CKMT2: variants seen among roughly 807,000 people sequenced by gnomAD.
The protein encoded by CKMT2 is creatine kinase S-type, mitochondrial.
Under a neutral mutation model 48.9 loss-of-function variants are expected in CKMT2, and 43 were observed. That is an observed-to-expected ratio of 0.88 (90% CI 0.69 to 1.13). The LOEUF (loss-of-function observed/expected upper bound fraction) is 1.13. CKMT2 is among the 50% of genes most tolerant of loss of function. CKMT2 has a pLI of 0.00. For synonymous variants in CKMT2, 206 were observed against 213.0 expected (o/e 0.97, Z 0.29); for missense variants, 472 against 555.4 (o/e 0.85, Z 1.51).
At chr5:81,241,420 A>G (rs1756430140) in intron 1 of CKMT2, among the ~76,000 whole-genome samples, 1 of 152,164 alleles carries the variant, frequency 6.6e-6, no homozygotes, top group Admixed American at 6.5e-5. Flanking sequence ...TTTACAACCT[A>G]GGACTCTTTT....
chr5:81,265,690 A>G (rs1305041941), intron 9 of CKMT2, among the ~76,000 whole-genome samples: 1 of 152,188 alleles, frequency 6.6e-6, no homozygotes, highest in Non-Finnish European at 1.5e-5. Flanking sequence ...TTAGTTGCCA[A>G]ACATTTGACA....
intron 1 of CKMT2, among the ~76,000 whole-genome samples, chr5:81,234,037 A>AAAAAAAAAC (rs1756182299): frequency 6.6e-6 from 1 of 151,436 alleles, no homozygotes; most frequent in South Asian, 2.1e-4. Context: ...AAAAAAAAAA[A>AAAAAAAAAC]AAAAAAAAAC....
chr5:81,235,731 G>A (rs1209557628), intron 1 of CKMT2: 1 of 152,242 alleles, frequency 6.6e-6, no homozygotes, highest in Non-Finnish European at 1.5e-5. Context: ...TGTACAGCTT[G>A]TGGCCACTTA....
intron 1 of CKMT2, chr5:81,237,579 T>C (rs1756286373): frequency 6.6e-6 from 1 of 152,230 alleles, no homozygotes; most frequent in Non-Finnish European, 1.5e-5. Flanking sequence ...TTTAGGTTTT[T>C]ACTTTTTTAT....
At chr5:81,233,627 G>A (rs1442601258) in intron 1 of CKMT2, among the ~76,000 whole-genome samples, 1 of 152,142 alleles carries the variant, frequency 6.6e-6, no homozygotes, top group Non-Finnish European at 1.5e-5. Context: ...CACGCTGCCT[G>A]CAGGGCCTCT....
At position 81,256,980 on chromosome 5, in the gene CKMT2, G is replaced by A; in HGVS notation, c.735G>A (p.Trp245Ter). Residue 245 changes from tryptophan (W) to a stop codon, truncating the protein, a stop_gained, in exon 6 of 10, where the codon TGG (tryptophan) becomes TGA (stop). Transcript: ENST00000254035. LOFTEE classifies it high-confidence loss of function. ...CATGTGCTGGGATGGCCCGTGACTG[G>A]CCAGATGCCAGGGGAATCTGGTATG... Reference protein sequence around the residue: ...LLTCAGMARDWPDARGIWHNY... With the variant: ...LLTCAGMARD 1 of 1,613,660 alleles carries A rather than the reference G, an allele frequency of 6.2e-7. No individual in the cohort carries two copies. Among genetic ancestry groups the A allele is most frequent in the Non-Finnish European group, 8.5e-7 (1 of 1,179,720 alleles).
chr5:81,254,928 C>A (rs1448868894), intron 4 of CKMT2, 65 bp from the exon 5 acceptor site: 1 of 1,341,598 alleles, frequency 7.5e-7, no homozygotes, highest in Non-Finnish European at 1.1e-6. Context: ...GATTAGAACC[C>A]ACTGTGGCTG....
At chr5:81,236,548 A>C (rs1166462880) in intron 1 of CKMT2, among the ~76,000 whole-genome samples, 1 of 152,194 alleles carries the variant, frequency 6.6e-6, no homozygotes, top group Non-Finnish European at 1.5e-5. Context: ...TCATGATAGG[A>C]GCTCATAAAT....
At chr5:81,257,312 T>C (rs1757047708) in intron 6 of CKMT2, among the ~76,000 whole-genome samples, 1 of 152,116 alleles carries the variant, frequency 6.6e-6, no homozygotes, top group African/African-American at 2.4e-5. Context: ...GCAGGATCCA[T>C]GGAGCAAATG....
chr5:81,239,630 A>C (rs1486847902), intron 1 of CKMT2, among the ~76,000 whole-genome samples: 2 of 152,138 alleles, frequency 1.3e-5, no homozygotes, highest in African/African-American at 4.8e-5. Context: ...GAGGCATGCA[A>C]TACAGTACTT....
chr5:81,244,776 A>C (rs958843820), intron 1 of CKMT2: 7 of 151,866 alleles, frequency 4.6e-5, no homozygotes, highest in African/African-American at 1.7e-4. Context: ...AGTGCTACAC[A>C]GGAGGGGAAA....
At position 81,266,144 on chromosome 5, in the gene CKMT2, G is replaced by A. The variant is rs1369848925; in HGVS notation, c.1146G>A (p.Glu382=). ...CATCTTCTTCACTGTCAAAGGTTGAGCTTGTTCAGATAGTCATCGATGGAG... is the reference window on the plus strand; with the variant it reads ...CATCTTCTTCACTGTCAAAGGTTGAACTTGTTCAGATAGTCATCGATGGAG... ...NIDRIGRSEV[E]LVQIVIDGVN... The change falls in exon 10 of 10, where the codon GAG becomes GAA. Residue 382 remains glutamate (E), a synonymous_variant. Transcript: ENST00000254035. 6.2e-7 allele frequency: 1 copy of A among 1,612,416 alleles called. No homozygotes were observed. The highest frequency in any genetic ancestry group is 1.1e-5 in the South Asian group (1 of 91,002).
chr5:81,254,942 C>A, intron 4 of CKMT2, 51 bp from the exon 5 acceptor site: 1 of 1,483,836 alleles, frequency 6.7e-7, no homozygotes, highest in Non-Finnish European at 9.4e-7. Flanking sequence ...GTGGCTGTGG[C>A]AGGACCATGG....
chr5:81,241,868 G>A (rs1484885618), intron 1 of CKMT2, among the ~76,000 whole-genome samples: 1 of 152,042 alleles, frequency 6.6e-6, no homozygotes, highest in Non-Finnish European at 1.5e-5. Flanking sequence ...AATTTCTGGG[G>A]TGGGAGGAAA....
intron 1 of CKMT2, among the ~76,000 whole-genome samples, chr5:81,241,336 A>G (rs1756427986): frequency 6.6e-6 from 1 of 152,228 alleles, no homozygotes; most frequent in Non-Finnish European, 1.5e-5. Flanking sequence ...CATTTCCTTT[A>G]GAAAACTTAT....
At chr5:81,249,332 C>T (rs886728648) in intron 1 of CKMT2, among the ~76,000 whole-genome samples, 1 of 152,208 alleles carries the variant, frequency 6.6e-6, no homozygotes, top group Admixed American at 6.5e-5. Flanking sequence ...ATCCGCCCAC[C>T]TTTGCCTCCC....
chr5:81,236,040 A>C (rs1477595682), intron 1 of CKMT2: 1 of 152,282 alleles, frequency 6.6e-6, no homozygotes, highest in Non-Finnish European at 1.5e-5. Flanking sequence ...ATCCCTAGCA[A>C]GGCCTGGCAG....
At chr5:81,250,940 AACACACACACACACACACACACAC>A (rs142418532) in intron 1 of CKMT2, among the ~76,000 whole-genome samples, 149 bp from the exon 2 acceptor site, 1 of 132,998 alleles carries the variant, frequency 7.5e-6, no homozygotes, top group East Asian at 2.1e-4. Context: ...AGAAATAGAA[AACACACACACACACACACACACAC>A]ACACACACAC....
At chr5:81,251,060 G>A in intron 1 of CKMT2, 53 bp from the exon 2 acceptor site, 1 of 1,447,844 alleles carries the variant, frequency 6.9e-7, no homozygotes, top group Non-Finnish European at 9.5e-7. Flanking sequence ...CCCCTATGTT[G>A]TGGCTCAGGG....
Sources: gnomAD v4.1 joint callset for allele counts (sites outside exome capture counted in the v4.1 genomes callset) on GRCh38, gnomAD v4.1.1 for gene constraint, MANE v1.5 for transcripts, NCBI Gene and HGNC (gene_info 2026-07-23, HGNC 2026-07-21) for gene names.